Variants in SLC25A21 observed in about 807,000 individuals in gnomAD.
SLC25A21 encodes solute carrier family 25 member 21.
In SLC25A21, 47 loss-of-function variants were observed where a neutral mutation model predicts 43.8. That is an observed-to-expected ratio of 1.07 (90% CI 0.85 to 1.37). The LOEUF is 1.37. Among genes scored for constraint, SLC25A21 ranks in the 40% most tolerant of loss-of-function variants. The pLI, the probability that SLC25A21 is intolerant of heterozygous loss-of-function variation, is 0.00. For synonymous variants in SLC25A21, 131 were observed against 121.3 expected (o/e 1.08, Z -0.52); for missense variants, 352 against 350.2 (o/e 1.00, Z -0.04).
At chr14:37,077,150 C>T (rs1472098813) in intron 1 of SLC25A21, among the ~76,000 whole-genome samples, 3 of 152,138 alleles carry the variant, frequency 2.0e-5, no homozygotes, top group Non-Finnish European at 4.4e-5. Context: ...ATAGTCAATA[C>T]TTGCACCACG....
intron 3 of SLC25A21, among the ~76,000 whole-genome samples, chr14:36,802,712 C>T (rs1307095916): frequency 6.6e-6 from 1 of 152,158 alleles, no homozygotes; most frequent in Non-Finnish European, 1.5e-5. Flanking sequence ...GAGAAAACAG[C>T]ATACGAGCTG....
intron 1 of SLC25A21, among the ~76,000 whole-genome samples, chr14:37,162,203 A>C (rs888968426): frequency 6.6e-6 from 1 of 152,108 alleles, no homozygotes; most frequent in African/African-American, 2.4e-5. Context: ...ATTTTCTCCC[A>C]TTTTGTAGGT....
At chr14:36,816,896 TAACCTATATTCATTGTAGAGTATAA>T (rs1006836415) in intron 2 of SLC25A21, among the ~76,000 whole-genome samples, 3 of 152,176 alleles carry the variant, frequency 2.0e-5, no homozygotes, top group African/African-American at 4.8e-5. Flanking sequence ...TGCATATTTG[TAACCTATATTCATTGTAGAGTATAA>T]AATCCTTTCT....
At chr14:36,907,188 C>A (rs955433666) in intron 1 of SLC25A21, among the ~76,000 whole-genome samples, 1 of 151,986 alleles carries the variant, frequency 6.6e-6, no homozygotes, top group Admixed American at 6.6e-5. Context: ...TTATCATGTA[C>A]TTGGAGGAAC....
At chr14:36,684,996 CAAT>C in intron 7 of SLC25A21, 71 bp from the exon 8 acceptor site, 1 of 1,264,824 alleles carries the variant, frequency 7.9e-7, no homozygotes, top group Non-Finnish European at 1.1e-6. Context: ...CACTATAAAG[CAAT>C]ATGTATTTAA....
intron 1 of SLC25A21, among the ~76,000 whole-genome samples, chr14:37,028,340 T>C (rs7142003): frequency 0.11 from 16,808 of 152,174 alleles, 1,007 homozygotes; most frequent in Middle Eastern, 0.14. Context: ...AAATTATTCA[T>C]GTCACTTCAA....
chr14:36,734,417 T>C, intron 4 of SLC25A21, 90 bp downstream of exon 4: 1 of 909,284 alleles, frequency 1.1e-6, no homozygotes, highest in Non-Finnish European at 1.6e-6. Context: ...GTGCTTTATA[T>C]ATAATTCATT....
intron 1 of SLC25A21, among the ~76,000 whole-genome samples, chr14:36,960,692 C>T (rs543428934): frequency 2.0e-4 from 31 of 152,082 alleles, no homozygotes; most frequent in Non-Finnish European, 4.1e-4. Flanking sequence ...ACCTTTATGG[C>T]AAATCCCTCT....
intron 3 of SLC25A21, among the ~76,000 whole-genome samples, chr14:36,744,783 C>T (rs944390632): frequency 2.6e-5 from 4 of 151,794 alleles, no homozygotes; most frequent in Non-Finnish European, 2.9e-5. Context: ...CCAGAATCTA[C>T]GAGGAGCTCA....
intron 2 of SLC25A21, among the ~76,000 whole-genome samples, chr14:36,824,232 A>G (rs1023424052): frequency 2.0e-5 from 3 of 152,228 alleles, no homozygotes; most frequent in African/African-American, 7.2e-5. Flanking sequence ...ATTCATAAGC[A>G]TAATTGCTTA....
intron 2 of SLC25A21, among the ~76,000 whole-genome samples, chr14:36,851,985 G>C (rs954285953): frequency 1.3e-5 from 2 of 151,954 alleles, no homozygotes; most frequent in Non-Finnish European, 2.9e-5. Context: ...TTAAACATCT[G>C]GAAGAGTTAA....
intron 1 of SLC25A21, among the ~76,000 whole-genome samples, chr14:36,979,261 A>G (rs1271824872): frequency 6.6e-6 from 1 of 152,144 alleles, no homozygotes; most frequent in African/African-American, 2.4e-5. Context: ...AAGTCAGTCA[A>G]AAATCAGTAA....
chr14:36,818,028 C>A (rs1013035376), intron 2 of SLC25A21, among the ~76,000 whole-genome samples: 3 of 151,962 alleles, frequency 2.0e-5, no homozygotes, highest in Non-Finnish European at 4.4e-5. Flanking sequence ...TGGGGGCTTA[C>A]AAAGAAATAA....
rs1459012237 is a variant in SLC25A21 at position 37,097,036 on chromosome 14, T to G, written c.70+75245A>C. 5 of 149,056 alleles carry G rather than the reference T, an allele frequency of 3.4e-5. No individual in the cohort carries two copies. The East Asian group carries it at 9.7e-4, about 29-fold the overall frequency. 9.2% of individuals were successfully genotyped at this position (149,056 alleles called of 1,614,324 possible). A position where few individuals can be genotyped will look rare whatever the true frequency, so the allele number is the denominator to read the frequency against. ...AGGGCTGGTTTTTTTTTTGTTTTTT[T>G]TTTTTGTTTTTTTTTGTTTGTTTTT... is the stretch of plus-strand genomic sequence containing the variant. On this transcript the variant is annotated intron_variant, in intron 1 of 9. Transcript: ENST00000331299.
intron 1 of SLC25A21, among the ~76,000 whole-genome samples, chr14:37,036,198 T>TG (rs1961322574): frequency 6.6e-6 from 1 of 152,016 alleles, no homozygotes; most frequent in Admixed American, 6.5e-5. Context: ...TGCCAGAGAT[T>TG]TTTTTTTCCT....
intron 3 of SLC25A21, among the ~76,000 whole-genome samples, chr14:36,789,533 C>G (rs533522722): frequency 6.6e-6 from 1 of 151,174 alleles, no homozygotes; most frequent in Non-Finnish European, 1.5e-5. Flanking sequence ...AGGCAGCATT[C>G]ACTACATCCT....
chr14:36,701,697 A>T (rs75736722), intron 7 of SLC25A21, among the ~76,000 whole-genome samples: 3,454 of 152,316 alleles, frequency 0.023, 71 homozygotes, highest in Non-Finnish European at 0.035. Flanking sequence ...ATATACCTAT[A>T]TATTCAGGTG....
chr14:36,777,005 A>C (rs1200310987), intron 3 of SLC25A21, among the ~76,000 whole-genome samples: 1 of 152,180 alleles, frequency 6.6e-6, no homozygotes, highest in East Asian at 1.9e-4. Context: ...CACGCCTGTA[A>C]TCCCAGCACT....
chr14:36,842,909 T>G (rs951416831), intron 2 of SLC25A21, among the ~76,000 whole-genome samples: 2 of 152,024 alleles, frequency 1.3e-5, no homozygotes, highest in Non-Finnish European at 2.9e-5. Flanking sequence ...TTCATATGGA[T>G]GGGGTGGAGG....
Sources: allele counts gnomAD v4.1 joint callset (sites outside exome capture counted in the v4.1 genomes callset), GRCh38; gene constraint gnomAD v4.1.1; transcripts MANE v1.5; gene names NCBI Gene and HGNC (gene_info 2026-07-23, HGNC 2026-07-21).